NKAIN2: variants seen among roughly 807,000 people sequenced by gnomAD.
The protein encoded by NKAIN2 is sodium/potassium-transporting ATPase subunit beta-1-interacting protein 2.
A neutral mutation model predicts 32.6 loss-of-function variants in NKAIN2; 14 were observed. The ratio of observed to expected loss-of-function variants is 0.43; its 90% CI spans 0.28 to 0.67. The LOEUF (loss-of-function observed/expected upper bound fraction) is 0.67, where lower values mean the gene tolerates loss of function less well. Among genes scored for constraint, NKAIN2 ranks in the 30% least tolerant of loss-of-function variants. The probability of loss-of-function intolerance (pLI) is 0.17; values close to 1 mark genes in which losing one functional copy is unlikely to be tolerated. For synonymous variants in NKAIN2, 80 were observed against 87.2 expected (o/e 0.92, Z 0.46); for missense variants, 198 against 258.3 (o/e 0.77, Z 1.60).
chr6:123,813,594 C>T (rs1214200461), intron 1 of NKAIN2, among the ~76,000 whole-genome samples: 3 of 152,058 alleles, frequency 2.0e-5, no homozygotes, highest in African/African-American at 7.3e-5. Flanking sequence ...GGTAGATCAC[C>T]TGAGGTCAGG....
In NKAIN2 at chr6:123,932,447, T is replaced by A. The variant is rs1234712986; in HGVS notation, c.54+128193T>A. 6.2e-5 allele frequency among the ~76,000 whole-genome samples: 9 copies of A among 144,724 alleles called. No individual in the cohort carries two copies. The East Asian group carries it at 1.9e-3, about 31-fold the overall frequency. 94.9% of individuals were successfully genotyped at this position (144,724 alleles called of 152,430 possible). A position where few individuals can be genotyped will look rare whatever the true frequency, so the allele number is the denominator to read the frequency against. On this transcript the variant is annotated intron_variant, in intron 1 of 6. Coordinates refer to ENST00000368417, the MANE Select transcript of NKAIN2 (RefSeq NM_001040214.3). The stretch of plus-strand genomic sequence containing the variant: ...TTTTTTTTTTTTTGAGAAAGAGTCT[T>A]GTTCTTTTGCCCAGGCTGGAGTGCA...
intron 4 of NKAIN2, among the ~76,000 whole-genome samples, chr6:124,664,158 C>T (rs2114449213): frequency 6.6e-6 from 1 of 151,886 alleles, no homozygotes; most frequent in East Asian, 1.9e-4. Context: ...GCATGTCATC[C>T]CAGCTACTCG....
chr6:123,878,627 T>C (rs61306596), intron 1 of NKAIN2, among the ~76,000 whole-genome samples: 37,898 of 152,056 alleles, frequency 0.25, 5,238 homozygotes, highest in East Asian at 0.49. Context: ...AATATGATAA[T>C]ATATTCATTA....
chr6:124,066,862 T>TTG lies in NKAIN2; in HGVS notation c.55-216107_55-216106dup, dbSNP rs10574288. 3.6e-3 allele frequency among the ~76,000 whole-genome samples: 534 copies of TTG among 149,708 alleles called. 3 individuals are homozygous for TTG. Among genetic ancestry groups the TTG allele is most frequent in the African/African-American group, 8.5e-3 (348 of 40,840 alleles). ...GAAAGTATATTTCAATTTGCTGCGT[T>TTG]TGTGTGTGTGTGTGTGTGTGTGTGT... On this transcript the variant is annotated intron_variant, in intron 1 of 6. Transcript: ENST00000368417.
intron 1 of NKAIN2, among the ~76,000 whole-genome samples, chr6:124,230,291 A>G (rs1014145078): frequency 4.6e-5 from 7 of 152,188 alleles, no homozygotes; most frequent in Non-Finnish European, 8.8e-5. Flanking sequence ...GCAACAAAGC[A>G]TTTAAGAAGT....
chr6:123,954,315 A>G (rs1051520589), intron 1 of NKAIN2, among the ~76,000 whole-genome samples: 6 of 152,146 alleles, frequency 3.9e-5, no homozygotes, highest in African/African-American at 1.4e-4. Context: ...CTTCAGGCAG[A>G]TCCCTGTATT....
intron 1 of NKAIN2, among the ~76,000 whole-genome samples, chr6:124,166,436 G>A (rs919191354): frequency 1.3e-5 from 2 of 151,694 alleles, no homozygotes; most frequent in African/African-American, 4.8e-5. Flanking sequence ...CAGATGAGTA[G>A]GTTGCAAAAA....
At chr6:124,678,114 T>A (rs193110709) in intron 4 of NKAIN2, among the ~76,000 whole-genome samples, 1 of 152,130 alleles carries the variant, frequency 6.6e-6, no homozygotes, top group Non-Finnish European at 1.5e-5. Context: ...ATGTGATGTC[T>A]CTTTTTTCGT....
intron 4 of NKAIN2, among the ~76,000 whole-genome samples, chr6:124,735,653 C>T (rs943885501): frequency 6.6e-6 from 1 of 151,834 alleles, no homozygotes; most frequent in African/African-American, 2.4e-5. Flanking sequence ...CTTCATGTCT[C>T]TGTGTCACAT....
intron 4 of NKAIN2, among the ~76,000 whole-genome samples, chr6:124,712,220 A>G (rs1443603861): frequency 6.7e-6 from 1 of 149,060 alleles, no homozygotes; most frequent in African/African-American, 2.5e-5. Flanking sequence ...GCTCTCTTCA[A>G]AGCTGTCAGA....
At chr6:124,766,986 C>T (rs1158320366) in intron 4 of NKAIN2, among the ~76,000 whole-genome samples, 1 of 152,072 alleles carries the variant, frequency 6.6e-6, no homozygotes, top group Non-Finnish European at 1.5e-5. Flanking sequence ...CCTCTGCCTC[C>T]CTGGTTCAAG....
At chr6:124,106,549 C>A (rs1785129796) in intron 1 of NKAIN2, among the ~76,000 whole-genome samples, 1 of 152,072 alleles carries the variant, frequency 6.6e-6, no homozygotes, top group South Asian at 2.1e-4. Context: ...ACTTACAGAG[C>A]TGATTTTGTT....
At chr6:123,813,051 T>G (rs1007922116) in intron 1 of NKAIN2, among the ~76,000 whole-genome samples, 6 of 152,250 alleles carry the variant, frequency 3.9e-5, no homozygotes, top group Non-Finnish European at 8.8e-5. Flanking sequence ...TATCCTAACC[T>G]ACACGGGCTT....
intron 3 of NKAIN2, among the ~76,000 whole-genome samples, chr6:124,454,106 T>TGGGG (rs35989042): frequency 1.6e-5 from 1 of 60,718 alleles, no homozygotes; most frequent in Non-Finnish European, 4.2e-5. Context: ...GTTTTTTTTT[T>TGGGG]GGGGGGGGGG....
chr6:124,359,772 C>A (rs531582604), intron 3 of NKAIN2, among the ~76,000 whole-genome samples: 1 of 152,132 alleles, frequency 6.6e-6, no homozygotes. Flanking sequence ...ATTTGCTTCT[C>A]CTGCCTGATT....
chr6:124,227,134 G>C (rs1326999532), intron 1 of NKAIN2, among the ~76,000 whole-genome samples: 1 of 150,444 alleles, frequency 6.6e-6, no homozygotes, highest in African/African-American at 2.4e-5. Flanking sequence ...CTAGTGGCCT[G>C]AACTCAAACC....
rs1781471654 is a variant in NKAIN2 at position 124,823,398 on chromosome 6, ACG to A, written c.*170_*171del. The A allele has an allele frequency of 5.8e-5, 30 of 516,590 alleles. No homozygotes were observed. The highest frequency in any genetic ancestry group is 4.8e-4 in the Middle Eastern group (1 of 2,094). 32.0% of individuals were successfully genotyped at this position (516,590 alleles called of 1,614,324 possible). Reference sequence around the variant, plus strand: ...AACACTGACACACACACACACACACACGTGAGCACGCACACACCAATTCCACT... The same window carrying A: ...AACACTGACACACACACACACACACATGAGCACGCACACACCAATTCCACT... On this transcript the variant is annotated 3_prime_UTR_variant, in exon 7 of 7. Transcript: ENST00000368417.
chr6:123,827,889 C>CTA (rs1273777250), intron 1 of NKAIN2, among the ~76,000 whole-genome samples: 5 of 151,320 alleles, frequency 3.3e-5, no homozygotes, highest in Non-Finnish European at 7.4e-5. Context: ...CTCTCTCTCT[C>CTA]TCTCTCTATA....
chr6:124,802,413 A>G (rs558961740), intron 5 of NKAIN2, among the ~76,000 whole-genome samples: 1 of 152,338 alleles, frequency 6.6e-6, no homozygotes, highest in South Asian at 2.1e-4. Flanking sequence ...CTAACAGGGG[A>G]GAACAAAACA....
Sources: gnomAD v4.1 joint callset for allele counts (sites outside exome capture counted in the v4.1 genomes callset) on GRCh38, gnomAD v4.1.1 for gene constraint, MANE v1.5 for transcripts, NCBI Gene and HGNC (gene_info 2026-07-23, HGNC 2026-07-21) for gene names.